Variants in ITGB6 observed in about 807,000 individuals in gnomAD.
ITGB6 encodes integrin beta-6.
ITGB6 carries 80 observed loss-of-function variants against 84.5 expected under a neutral mutation model. That is an observed-to-expected ratio of 0.95 (90% CI 0.79 to 1.14). ITGB6 has a LOEUF of 1.14. ITGB6 is among the 50% of genes most tolerant of loss of function. The probability of loss-of-function intolerance (pLI) is 0.00; values close to 1 mark genes in which losing one functional copy is unlikely to be tolerated. For missense variants in ITGB6, 1,006 were observed against 968.0 expected, an observed-to-expected ratio of 1.04 and a Z score of -0.52; for synonymous variants, 383 against 354.9, an observed-to-expected ratio of 1.08 and a Z score of -0.89.
At chr2:160,114,043 C>G (rs1682652432) in intron 12 of ITGB6, among the ~76,000 whole-genome samples, 1 of 152,114 alleles carries the variant, frequency 6.6e-6, no homozygotes, top group South Asian at 2.1e-4. Context: ...TATCATACTC[C>G]TTTCAGTAAT....
At position 160,138,113 on chromosome 2, in the gene ITGB6, G is replaced by T; in HGVS notation, c.1194C>A (p.Thr398=). The T allele has an allele frequency of 1.9e-6, 3 of 1,613,838 alleles. No individual in the cohort carries two copies. Among genetic ancestry groups the T allele is most frequent in the Non-Finnish European group, 2.5e-6 (3 of 1,179,930 alleles). ...LSFTAICNNG[T]LFQHQKKCSH... Reference sequence around the variant, plus strand: ...AGCATTTCTTTTGGTGTTGGAAGAGGGTACCGTTGTTACAGATGGCTGTAA... The same window carrying T: ...AGCATTTCTTTTGGTGTTGGAAGAGTGTACCGTTGTTACAGATGGCTGTAA... Residue 398 remains threonine, a synonymous_variant, in exon 9 of 15, where the codon ACC becomes ACA. Transcript: ENST00000283249.
chr2:160,177,512 A>G (rs1685474918), intron 4 of ITGB6, among the ~76,000 whole-genome samples: 1 of 151,904 alleles, frequency 6.6e-6, no homozygotes, highest in Admixed American at 6.6e-5. Flanking sequence ...CGGAGCTTGC[A>G]GTGAGCCCAG....
At chr2:160,129,916 A>G (rs55767092) in intron 10 of ITGB6, among the ~76,000 whole-genome samples, 7,260 of 151,974 alleles carry the variant, frequency 0.048, 494 homozygotes, top group African/African-American at 0.16. Flanking sequence ...GTATATATAT[A>G]TGTGTGTGTG....
chr2:160,135,134 A>G (rs931080092), intron 10 of ITGB6, among the ~76,000 whole-genome samples: 30 of 150,604 alleles, frequency 2.0e-4, no homozygotes, highest in Non-Finnish European at 3.7e-4. Context: ...TGCAGATGAC[A>G]TGATTGTATA....
At chr2:160,188,689 C>T (rs185270356) in intron 4 of ITGB6, among the ~76,000 whole-genome samples, 10 of 152,074 alleles carry the variant, frequency 6.6e-5, no homozygotes, top group Admixed American at 2.0e-4. Context: ...CTGCAACCTC[C>T]GCCTCCCTGG....
At chr2:160,199,967 C>G in intron 1 of ITGB6, 36 bp downstream of exon 1, 2 of 1,525,468 alleles carry the variant, frequency 1.3e-6, no homozygotes, top group Non-Finnish European at 1.8e-6. Context: ...GTCAAGCATA[C>G]CACGAAAGTA....
intron 6 of ITGB6, among the ~76,000 whole-genome samples, chr2:160,169,645 C>T (rs1685132109): frequency 6.6e-6 from 1 of 152,194 alleles, no homozygotes; most frequent in African/African-American, 2.4e-5. Context: ...TCTTCTCCTT[C>T]TAAGTGACAC....
chr2:160,119,862 G>A (rs1489488410), intron 12 of ITGB6, among the ~76,000 whole-genome samples: 4 of 152,172 alleles, frequency 2.6e-5, no homozygotes, highest in Non-Finnish European at 5.9e-5. Flanking sequence ...CCAAGGATAT[G>A]AACAGACACT....
chr2:160,128,531 A>G (rs1336369828), intron 10 of ITGB6, among the ~76,000 whole-genome samples: 1 of 152,292 alleles, frequency 6.6e-6, no homozygotes, highest in East Asian at 1.9e-4. Context: ...AGACAGAAAA[A>G]TCAGGAGTAG....
intron 10 of ITGB6, among the ~76,000 whole-genome samples, chr2:160,131,750 G>C (rs1683478161): frequency 2.0e-5 from 3 of 152,144 alleles, no homozygotes; most frequent in Non-Finnish European, 2.9e-5. Flanking sequence ...TCTGAGTCTA[G>C]CTAAATAAAT....
chr2:160,181,693 G>T (rs1328852314), intron 4 of ITGB6, among the ~76,000 whole-genome samples: 3 of 152,198 alleles, frequency 2.0e-5, no homozygotes, highest in African/African-American at 4.8e-5. Flanking sequence ...CTCCTGACTG[G>T]GAGACACATC....
At chr2:160,127,561 C>A (rs2105803183) in intron 10 of ITGB6, among the ~76,000 whole-genome samples, 1 of 152,326 alleles carries the variant, frequency 6.6e-6, no homozygotes, top group Non-Finnish European at 1.5e-5. Flanking sequence ...TAAAACCAAG[C>A]TGTGGCCTGA....
chr2:160,107,861 A>G lies in ITGB6; in HGVS notation c.2102-16T>C, dbSNP rs1373556832. On this transcript the variant is annotated splice_polypyrimidine_tract_variant and intron_variant, in intron 13 of 14. Coordinates refer to ENST00000283249, the MANE Select transcript of ITGB6 (RefSeq NM_000888.5). The stretch of plus-strand genomic sequence containing the variant: ...TTCGGACAATCTGCAGAAATAAAGA[A>G]AATTATAAGAAGGTGGTAAAATCAA... 1 of 1,561,008 alleles carries G rather than the reference A, an allele frequency of 6.4e-7. No individual in the cohort carries two copies. The highest frequency in any genetic ancestry group is 8.7e-7 in the Non-Finnish European group (1 of 1,147,158).
At position 160,170,651 on chromosome 2, in the gene ITGB6, T is replaced by A. The variant is rs534494782; in HGVS notation, c.922-1344A>T. On this transcript the variant is annotated intron_variant, in intron 6 of 14. Coordinates refer to ENST00000283249, the MANE Select transcript of ITGB6 (RefSeq NM_000888.5). ...TGTAAGTTCAAGGCCAGGAACCACC[T>A]TGTATTATTTTTTGGCCTGAGGAAT... 3.3e-5 allele frequency among the ~76,000 whole-genome samples: 5 copies of A among 152,300 alleles called. No individual in the cohort carries two copies. In the South Asian group the frequency reaches 1.0e-3, roughly 32 times the overall value.
In ITGB6 at chr2:160,194,253, A is replaced by C. The variant is rs116745483; in HGVS notation, c.593+1116T>G. On this transcript the variant is annotated intron_variant, in intron 4 of 14. Coordinates refer to ENST00000283249, the MANE Select transcript of ITGB6 (RefSeq NM_000888.5). ...CCAAACAAAATTTCTAAGTGTTACA[A>C]TCATTGATAAATTTCCTTTATGGTT... Among the ~76,000 whole-genome samples, 988 of 152,292 alleles carry C rather than the reference A, an allele frequency of 6.5e-3. 9 individuals carry two copies. Among genetic ancestry groups the C allele is most frequent in the Non-Finnish European group, 0.011 (768 of 68,022 alleles).
At chr2:160,129,150 C>A (rs538752702) in intron 10 of ITGB6, among the ~76,000 whole-genome samples, 481 of 152,126 alleles carry the variant, frequency 3.2e-3, no homozygotes, top group Non-Finnish European at 4.9e-3. Context: ...GAGGGAGGCA[C>A]CTGGACACTT....
chr2:160,137,298 C>T, intron 10 of ITGB6, 136 bp downstream of exon 10: 1 of 767,158 alleles, frequency 1.3e-6, no homozygotes, highest in East Asian at 2.5e-5. Context: ...GATTCAGTTA[C>T]CCTAGGTCTA....
intron 6 of ITGB6, 118 bp from the exon 7 acceptor site, chr2:160,169,425 A>G: frequency 1.7e-6 from 1 of 593,188 alleles, no homozygotes; most frequent in Non-Finnish European, 3.0e-6. Context: ...CAGGCATTAT[A>G]GCTCTATCAC....
intron 7 of ITGB6, among the ~76,000 whole-genome samples, chr2:160,148,531 C>T (rs536892470): frequency 3.3e-5 from 5 of 152,330 alleles, no homozygotes; most frequent in Admixed American, 1.3e-4. Context: ...CCAGCATGAT[C>T]GACGCAGAAG....
Sources: gnomAD v4.1 joint callset for allele counts (sites outside exome capture counted in the v4.1 genomes callset) on GRCh38, gnomAD v4.1.1 for gene constraint, MANE v1.5 for transcripts, NCBI Gene and HGNC (gene_info 2026-07-23, HGNC 2026-07-21) for gene names.